Variants in YWHAE observed in about 807,000 individuals in gnomAD.
YWHAE encodes tyrosine 3-monooxygenase/tryptophan 5-monooxygenase activation protein epsilon, also known as 14-3-3 protein epsilon.
A neutral mutation model predicts 30.1 loss-of-function variants in YWHAE; 4 were observed. The ratio of observed to expected loss-of-function variants is 0.13; its 90% CI spans 0.07 to 0.30. YWHAE has a LOEUF of 0.30. YWHAE is among the 10% of genes least tolerant of loss of function. YWHAE has a pLI of 1.00. For missense variants in YWHAE, 121 were observed against 315.9 expected, an observed-to-expected ratio of 0.38 and a Z score of 4.68; for synonymous variants, 118 against 111.8, an observed-to-expected ratio of 1.06 and a Z score of -0.35.
intron 2 of YWHAE, among the ~76,000 whole-genome samples, chr17:1,364,417 G>A (rs188572025): frequency 3.6e-3 from 540 of 151,960 alleles, no homozygotes; most frequent in Middle Eastern, 0.01. Context: ...TAGTAGAGAC[G>A]GGGTTTCACC....
rs2072555454 is a variant in YWHAE, at chr17:1,348,008, T to A, written c.716-2509A>T. 4.9e-6 allele frequency: 5 copies of A among 1,010,342 alleles called. No homozygotes were observed. The South Asian group carries it at 2.3e-4, about 47-fold the overall frequency. The allele number at this position is 1,010,342 out of a possible 1,614,324, so 62.6% of individuals were successfully genotyped here. A position where few individuals can be genotyped will look rare whatever the true frequency, so the allele number is the denominator to read the frequency against. On this transcript the variant is annotated intron_variant, in intron 5 of 5. Transcript: ENST00000264335. ...GAAGAGTTGGGTTTTCCTTTAGGAA[T>A]CTATATTGCAAGGAAAAAGGGAGGG... is the stretch of plus-strand genomic sequence containing the variant.
At chr17:1,397,988 C>T (rs1251618798) in intron 1 of YWHAE, among the ~76,000 whole-genome samples, 1 of 152,188 alleles carries the variant, frequency 6.6e-6, no homozygotes, top group Non-Finnish European at 1.5e-5. Context: ...ATCCTCACCA[C>T]TCACATCAAA....
chr17:1,378,694 C>T (rs2073160489), intron 1 of YWHAE, among the ~76,000 whole-genome samples: 1 of 152,222 alleles, frequency 6.6e-6, no homozygotes, highest in African/African-American at 2.4e-5. Context: ...CCTGTAATCC[C>T]AGCACTTTGA....
At chr17:1,368,893 T>C (rs2150857287) in intron 1 of YWHAE, among the ~76,000 whole-genome samples, 1 of 152,340 alleles carries the variant, frequency 6.6e-6, no homozygotes, top group East Asian at 1.9e-4. Context: ...AGAAAAACTA[T>C]GCAGACATCA....
At chr17:1,396,833 G>A (rs1390750979) in intron 1 of YWHAE, among the ~76,000 whole-genome samples, 1 of 151,840 alleles carries the variant, frequency 6.6e-6, no homozygotes, top group Non-Finnish European at 1.5e-5. Context: ...TGTTGGTCAG[G>A]CTGGTCTCGA....
At chr17:1,374,304 G>A (rs572701266) in intron 1 of YWHAE, among the ~76,000 whole-genome samples, 3 of 138,404 alleles carry the variant, frequency 2.2e-5, no homozygotes, top group East Asian at 2.0e-4. Context: ...GCAACAGAGC[G>A]AGACTTGGTC....
At chr17:1,374,081 G>A (rs188044273) in intron 1 of YWHAE, among the ~76,000 whole-genome samples, 11 of 152,264 alleles carry the variant, frequency 7.2e-5, no homozygotes, top group African/African-American at 2.2e-4. Flanking sequence ...ACTCTGGGAG[G>A]CAGGTGGATT....
At chr17:1,373,233 A>T (rs563330224) in intron 1 of YWHAE, among the ~76,000 whole-genome samples, 14 of 152,162 alleles carry the variant, frequency 9.2e-5, no homozygotes, top group Admixed American at 9.2e-4. Context: ...ACAAGAGCGA[A>T]ACTCAGTCTC....
At chr17:1,355,452 A>G (rs1598230015) in intron 4 of YWHAE, among the ~76,000 whole-genome samples, 4 of 152,114 alleles carry the variant, frequency 2.6e-5, no homozygotes, top group Admixed American at 1.3e-4. Flanking sequence ...GATATTTAAC[A>G]AAGTATTAAT....
At chr17:1,385,198 A>G (rs2150871780) in intron 1 of YWHAE, among the ~76,000 whole-genome samples, 1 of 151,908 alleles carries the variant, frequency 6.6e-6, no homozygotes, top group South Asian at 2.1e-4. Flanking sequence ...TGTTGGCAGC[A>G]TTCTGAAACC....
At chr17:1,383,778 C>A (rs1261936785) in intron 1 of YWHAE, among the ~76,000 whole-genome samples, 1 of 152,114 alleles carries the variant, frequency 6.6e-6, no homozygotes, top group East Asian at 1.9e-4. Context: ...AGTTAATAAA[C>A]CTTTTCAGAA....
intron 4 of YWHAE, among the ~76,000 whole-genome samples, chr17:1,356,757 G>A (rs1042923262): frequency 6.7e-6 from 1 of 149,234 alleles, no homozygotes; most frequent in Non-Finnish European, 1.5e-5. Flanking sequence ...TCAGGAGTTC[G>A]AGACCAGCCT....
At chr17:1,391,380 G>C (rs2073387706) in intron 1 of YWHAE, among the ~76,000 whole-genome samples, 1 of 152,166 alleles carries the variant, frequency 6.6e-6, no homozygotes, top group Admixed American at 6.6e-5. Context: ...TGTTGTATGA[G>C]TCTAAATGAC....
intron 1 of YWHAE, among the ~76,000 whole-genome samples, chr17:1,387,614 T>G (rs1473859158): frequency 6.6e-6 from 1 of 151,722 alleles, no homozygotes; most frequent in Non-Finnish European, 1.5e-5. Context: ...TGTTAAGCAT[T>G]TCTTTGCGGG....
chr17:1,396,115 G>A (rs975169026), intron 1 of YWHAE, among the ~76,000 whole-genome samples: 16 of 151,410 alleles, frequency 1.1e-4, no homozygotes, highest in African/African-American at 3.2e-4. Flanking sequence ...GCAAGACTCC[G>A]TCTCAAAAAA....
At chr17:1,357,781 G>A (rs1366825119) in intron 4 of YWHAE, among the ~76,000 whole-genome samples, 1 of 151,270 alleles carries the variant, frequency 6.6e-6, no homozygotes, top group East Asian at 2.0e-4. Flanking sequence ...ACAAAAATTA[G>A]CTGGGTATGG....
chr17:1,345,746 T>C (rs2072506838), intron 5 of YWHAE, among the ~76,000 whole-genome samples: 1 of 152,230 alleles, frequency 6.6e-6, no homozygotes, highest in Admixed American at 6.5e-5. Context: ...TCAATGTTTT[T>C]ACGCTAAATA....
Position 1,355,279 on chromosome 17 carries a change from CCCGAGTAG to C in YWHAE, c.579-940_579-933del, listed in dbSNP as rs1228058359. 2.7e-5 allele frequency among the ~76,000 whole-genome samples: 4 copies of C among 149,344 alleles called. No individual in the cohort carries two copies. The East Asian group carries it at 7.9e-4, about 30-fold the overall frequency. On this transcript the variant is annotated intron_variant, in intron 4 of 5. Transcript: ENST00000264335. ...TCACACCATTATCCTGCCTCAGCCT[CCCGAGTAG>C]CCGGGACTACAGGCGCCCGCCACCA...
At chr17:1,367,269 C>G (rs1034206474) in intron 1 of YWHAE, among the ~76,000 whole-genome samples, 2 of 152,142 alleles carry the variant, frequency 1.3e-5, no homozygotes, top group Admixed American at 6.6e-5. Flanking sequence ...TATAAGCACA[C>G]TGATGTTCAC....
Sources: allele counts gnomAD v4.1 joint callset (sites outside exome capture counted in the v4.1 genomes callset), GRCh38; gene constraint gnomAD v4.1.1; transcripts MANE v1.5; gene names NCBI Gene and HGNC (gene_info 2026-07-23, HGNC 2026-07-21).